Variants in SLX4IP observed in about 807,000 individuals in gnomAD.
SLX4IP encodes protein SLX4IP.
SLX4IP carries 34 observed loss-of-function variants against 32.9 expected under a neutral mutation model. That is an observed-to-expected ratio of 1.03 (90% CI 0.79 to 1.38). SLX4IP has a LOEUF of 1.38. Among genes scored for constraint, SLX4IP ranks in the 40% most tolerant of loss-of-function variants. The probability of loss-of-function intolerance (pLI) is 0.00; values close to 1 mark genes in which losing one functional copy is unlikely to be tolerated. For synonymous variants in SLX4IP, 172 were observed against 171.7 expected (o/e 1.00, Z -0.01); for missense variants, 444 against 479.0 (o/e 0.93, Z 0.68).
In SLX4IP at chr20:10,534,942, T is replaced by A. The variant is rs543126036; in HGVS notation, c.28-21289T>A. Among the ~76,000 whole-genome samples the A allele has an allele frequency of 9.2e-5, 14 of 152,304 alleles. No homozygotes were observed. The South Asian group carries it at 2.9e-3, about 32-fold the overall frequency. ...AGGCGTAAAATGCAACTGACTTGGG[T>A]GTACCGGGATATGGTCAACCTCTTA... On this transcript the variant is annotated intron_variant, in intron 2 of 7. Coordinates refer to ENST00000334534, the MANE Select transcript of SLX4IP (RefSeq NM_001009608.3).
Position 10,601,913 on chromosome 20 carries a change from C to G in SLX4IP, c.405+94C>G. ...ACAAGAATTGTCTGCTGTTGTCATT[C>G]AGCTGATGAGCACCCAACGCATGTT... On this transcript the variant is annotated intron_variant, in intron 6 of 7. Transcript: ENST00000334534. 4 of 1,100,140 alleles carry G rather than the reference C, an allele frequency of 3.6e-6. No homozygotes were observed. In the East Asian group the frequency reaches 1.0e-4, roughly 28 times the overall value. 68.1% of individuals were successfully genotyped at this position (1,100,140 alleles called of 1,614,324 possible).
At chr20:10,589,878 C>CT (rs2066686564) in intron 4 of SLX4IP, among the ~76,000 whole-genome samples, 1 of 151,512 alleles carries the variant, frequency 6.6e-6, no homozygotes, top group Non-Finnish European at 1.5e-5. Flanking sequence ...CTCTTTACAC[C>CT]TTTTTTTGTC....
intron 5 of SLX4IP, among the ~76,000 whole-genome samples, chr20:10,601,451 A>C (rs2066840509): frequency 6.6e-6 from 1 of 152,210 alleles, no homozygotes; most frequent in Non-Finnish European, 1.5e-5. Context: ...TGACTGACAC[A>C]GAGGGGAGGC....
At chr20:10,571,544 C>A (rs142748066) in intron 4 of SLX4IP, among the ~76,000 whole-genome samples, 2 of 152,142 alleles carry the variant, frequency 1.3e-5, no homozygotes, top group African/African-American at 2.4e-5. Flanking sequence ...CTCCAAGGAG[C>A]CTTATCTGAT....
intron 1 of SLX4IP, among the ~76,000 whole-genome samples, chr20:10,437,559 T>C (rs2065125566): frequency 6.6e-6 from 1 of 152,238 alleles, no homozygotes; most frequent in African/African-American, 2.4e-5. Flanking sequence ...GGATTAAGAA[T>C]GTAAGGAACC....
chr20:10,568,182 A>G (rs1056141326), intron 4 of SLX4IP, among the ~76,000 whole-genome samples: 2 of 152,240 alleles, frequency 1.3e-5, no homozygotes, highest in Non-Finnish European at 2.9e-5. Flanking sequence ...TTAGCATGAC[A>G]GCTAGAATAC....
intron 1 of SLX4IP, among the ~76,000 whole-genome samples, chr20:10,442,179 C>A (rs1046102164): frequency 2.0e-5 from 3 of 152,136 alleles, no homozygotes; most frequent in Admixed American, 2.0e-4. Context: ...GTGACACAGG[C>A]CAGCAACACT....
At position 10,446,681 on chromosome 20, in the gene SLX4IP, C is replaced by T. The variant is rs911603873; in HGVS notation, c.-30+11228C>T. Among the ~76,000 whole-genome samples, 78 of 152,152 alleles carry T rather than the reference C, an allele frequency of 5.1e-4. 1 individual carries two copies. The highest frequency in any genetic ancestry group is 1.9e-3 in the African/African-American group (77 of 41,522). ...CTTTCTGGTAGATATGTAGTGATATCTCATTGTGGTTTTATTTTACATTTT... is the reference window on the plus strand; with the variant it reads ...CTTTCTGGTAGATATGTAGTGATATTTCATTGTGGTTTTATTTTACATTTT... On this transcript the variant is annotated intron_variant, in intron 1 of 7. Coordinates refer to ENST00000334534, the MANE Select transcript of SLX4IP (RefSeq NM_001009608.3).
intron 6 of SLX4IP, chr20:10,614,126 G>T (rs2122563514): frequency 2.8e-6 from 4 of 1,448,624 alleles, no homozygotes; most frequent in Middle Eastern, 4.8e-4. Context: ...AGCCTCGTCG[G>T]ACCTCGCCAT....
At chr20:10,472,697 A>G (rs2065435862) in intron 2 of SLX4IP, among the ~76,000 whole-genome samples, 1 of 152,210 alleles carries the variant, frequency 6.6e-6, no homozygotes, top group Non-Finnish European at 1.5e-5. Context: ...CATCTGTTAA[A>G]TAATAGGGTT....
rs572224425 is a variant in SLX4IP, at chr20:10,494,059, C to T, written c.27+35828C>T. Among the ~76,000 whole-genome samples, 7 of 151,612 alleles carry T rather than the reference C, an allele frequency of 4.6e-5. No individual in the cohort carries two copies. The East Asian group carries it at 9.7e-4, about 21-fold the overall frequency. ...TATTTTATCCTTTAATATCTCAATA[C>T]GGCATTTAGTAGATGTGTTGATCTT... On this transcript the variant is annotated intron_variant, in intron 2 of 7. Transcript: ENST00000334534.
chr20:10,598,018 T>G (rs1232916285), intron 4 of SLX4IP, among the ~76,000 whole-genome samples: 1 of 152,224 alleles, frequency 6.6e-6, no homozygotes, highest in Non-Finnish European at 1.5e-5. Context: ...ATGAACTGCT[T>G]CTTTTTATGA....
At chr20:10,482,076 G>A (rs2065527201) in intron 2 of SLX4IP, among the ~76,000 whole-genome samples, 1 of 152,220 alleles carries the variant, frequency 6.6e-6, no homozygotes. Context: ...AAACACTCAA[G>A]AGGAGCAGAT....
chr20:10,524,389 C>T lies in SLX4IP; in HGVS notation c.28-31842C>T, dbSNP rs374391288. ...AGCCATGCAGGGAGACACTCTTGAC[C>T]ACCCGCCCTGCCTTAGTTCCACGTT... On this transcript the variant is annotated intron_variant, in intron 2 of 7. Transcript: ENST00000334534. 6.6e-5 allele frequency among the ~76,000 whole-genome samples: 10 copies of T among 152,162 alleles called. No homozygotes were observed. The East Asian group carries it at 1.9e-3, about 29-fold the overall frequency.
At chr20:10,507,027 G>T (rs1352023357) in intron 2 of SLX4IP, among the ~76,000 whole-genome samples, 2 of 152,160 alleles carry the variant, frequency 1.3e-5, no homozygotes, top group Non-Finnish European at 2.9e-5. Context: ...GTGTGGTGGG[G>T]CGGTGAGAAC....
chr20:10,518,404 T>TTTCTTTCC (rs369072091), intron 2 of SLX4IP, among the ~76,000 whole-genome samples: 12,045 of 92,196 alleles, frequency 0.13, 1,345 homozygotes, highest in Non-Finnish European at 0.17. Context: ...TCTTTCTTTC[T>TTTCTTTCC]TTCCTTCCTT....
At chr20:10,605,947 A>G (rs926112625) in intron 6 of SLX4IP, among the ~76,000 whole-genome samples, 3 of 152,286 alleles carry the variant, frequency 2.0e-5, no homozygotes, top group Admixed American at 1.3e-4. Context: ...CACTTCAAAT[A>G]AACTATTGAA....
intron 3 of SLX4IP, among the ~76,000 whole-genome samples, chr20:10,559,692 C>T (rs1484034640): frequency 1.3e-5 from 2 of 152,036 alleles, no homozygotes; most frequent in Non-Finnish European, 2.9e-5. Flanking sequence ...TTTTTGTTTA[C>T]CTTTATTATA....
At chr20:10,439,593 G>A (rs1340040064) in intron 1 of SLX4IP, among the ~76,000 whole-genome samples, 2 of 152,220 alleles carry the variant, frequency 1.3e-5, no homozygotes, top group Non-Finnish European at 2.9e-5. Context: ...CATAAAGCAT[G>A]TTTGTATTAA....
Sources: gnomAD v4.1 joint callset for allele counts (sites outside exome capture counted in the v4.1 genomes callset) on GRCh38, gnomAD v4.1.1 for gene constraint, MANE v1.5 for transcripts, NCBI Gene and HGNC (gene_info 2026-07-23, HGNC 2026-07-21) for gene names.